Variants in BNC2 observed in about 807,000 individuals in gnomAD.
BNC2 encodes the protein basonuclin zinc finger protein 2.
In BNC2, 20 loss-of-function variants were observed where a neutral mutation model predicts 76.3. The ratio of observed to expected loss-of-function variants is 0.26; its 90% confidence interval spans 0.18 to 0.38. The LOEUF is 0.38. Among genes scored for constraint, BNC2 ranks in the 10% least tolerant of loss-of-function variants. BNC2 has a pLI of 1.00. For missense variants in BNC2, 1,382 were observed against 1,399.8 expected, an observed-to-expected ratio of 0.99 and a Z score of 0.20; for synonymous variants, 582 against 514.8, an observed-to-expected ratio of 1.13 and a Z score of -1.77.
intron 2 of BNC2, among the ~76,000 whole-genome samples, chr9:16,733,307 G>C (rs7040406): frequency 0.9 from 137,421 of 152,210 alleles, 62,086 homozygotes; most frequent in Non-Finnish European, 0.92. Context: ...TTGACAGCAA[G>C]CTTTTTCCCT....
At position 16,546,318 on chromosome 9, in the gene BNC2, G is replaced by A. The variant is rs566154618; in HGVS notation, c.669+6212C>T. On this transcript the variant is annotated intron_variant, in intron 5 of 6. Transcript: ENST00000380672. ...GATTAAGAAACTATGACTAAGAATGGCAAAGTCTTCCAGATTTAACCCAAT... is the reference window on the plus strand; with the variant it reads ...GATTAAGAAACTATGACTAAGAATGACAAAGTCTTCCAGATTTAACCCAAT... Among the ~76,000 whole-genome samples the A allele has an allele frequency of 5.3e-5, 8 of 152,254 alleles. No individual in the cohort carries two copies. In the South Asian group the frequency reaches 1.7e-3, roughly 32 times the overall value.
At chr9:16,503,703 A>C (rs1488627190) in intron 5 of BNC2, among the ~76,000 whole-genome samples, 1 of 152,208 alleles carries the variant, frequency 6.6e-6, no homozygotes, top group Non-Finnish European at 1.5e-5. Context: ...ACTGATATCC[A>C]CAGACATGAC....
intron 1 of BNC2, among the ~76,000 whole-genome samples, chr9:16,845,459 C>T (rs1344222381): frequency 3.3e-5 from 5 of 152,178 alleles, no homozygotes; most frequent in East Asian, 1.9e-4. Flanking sequence ...CGGTGGCTCA[C>T]ACCTGTAATC....
chr9:16,766,103 T>C (rs1002129964), intron 1 of BNC2, among the ~76,000 whole-genome samples: 11 of 152,212 alleles, frequency 7.2e-5, no homozygotes, highest in African/African-American at 2.7e-4. Flanking sequence ...ATTTCTTAAG[T>C]GTACCCTGTT....
chr9:16,867,149 C>T (rs1210258930), intron 1 of BNC2, among the ~76,000 whole-genome samples: 1 of 152,112 alleles, frequency 6.6e-6, no homozygotes, highest in African/African-American at 2.4e-5. Context: ...GTATGAACAT[C>T]CACAGAAATT....
At chr9:16,796,882 G>A (rs953352535) in intron 1 of BNC2, among the ~76,000 whole-genome samples, 1 of 152,084 alleles carries the variant, frequency 6.6e-6, no homozygotes, top group African/African-American at 2.4e-5. Flanking sequence ...TCTGTACAAG[G>A]TCAAATACTG....
chr9:16,691,602 TG>T (rs1222418063), intron 3 of BNC2, among the ~76,000 whole-genome samples: 1 of 146,594 alleles, frequency 6.8e-6, no homozygotes, highest in Non-Finnish European at 1.5e-5. Flanking sequence ...CTGTGCCTCC[TG>T]GGTTCAAGCG....
intron 6 of BNC2, among the ~76,000 whole-genome samples, chr9:16,431,712 C>A (rs1354339845): frequency 1.3e-5 from 2 of 152,174 alleles, no homozygotes; most frequent in African/African-American, 4.8e-5. Flanking sequence ...CCAGGGACCA[C>A]TTTCATGGAA....
chr9:16,429,019 A>C (rs1737083220), intron 6 of BNC2, among the ~76,000 whole-genome samples: 1 of 152,222 alleles, frequency 6.6e-6, no homozygotes, highest in South Asian at 2.1e-4. Flanking sequence ...CTCAAGAATC[A>C]AAGTTACCAA....
chr9:16,696,931 T>C (rs1823355584), intron 3 of BNC2, among the ~76,000 whole-genome samples: 1 of 152,228 alleles, frequency 6.6e-6, no homozygotes, highest in South Asian at 2.1e-4. Flanking sequence ...TGTTGATCTG[T>C]GGTATATTTC....
At chr9:16,673,830 C>A (rs1210971210) in intron 3 of BNC2, among the ~76,000 whole-genome samples, 1 of 151,984 alleles carries the variant, frequency 6.6e-6, no homozygotes, top group African/African-American at 2.4e-5. Context: ...AACTCTGAGA[C>A]GGGTTCATGT....
chr9:16,809,149 T>C (rs1817983910), intron 1 of BNC2, among the ~76,000 whole-genome samples: 2 of 152,162 alleles, frequency 1.3e-5, no homozygotes, highest in Non-Finnish European at 1.5e-5. Context: ...TGGGTCTAAG[T>C]GCCCTTTGTC....
intron 1 of BNC2, among the ~76,000 whole-genome samples, chr9:16,823,440 A>AT (rs1430749633): frequency 1.3e-5 from 2 of 150,702 alleles, no homozygotes; most frequent in Non-Finnish European, 3.0e-5. Flanking sequence ...AAAAAAAAAA[A>AT]AAAAATTAAA....
At chr9:16,815,784 AAAT>A (rs1418525438) in intron 1 of BNC2, among the ~76,000 whole-genome samples, 1 of 152,210 alleles carries the variant, frequency 6.6e-6, no homozygotes, top group African/African-American at 2.4e-5. Flanking sequence ...CCTACCAAGT[AAAT>A]AGTTAGTGGT....
intron 3 of BNC2, among the ~76,000 whole-genome samples, chr9:16,643,509 A>T (rs1272645916): frequency 1.3e-5 from 2 of 152,092 alleles, no homozygotes; most frequent in African/African-American, 4.8e-5. Flanking sequence ...AGTGAAAAAA[A>T]TATCCACGCA....
intron 3 of BNC2, among the ~76,000 whole-genome samples, chr9:16,635,361 T>G (rs1821292229): frequency 1.3e-5 from 2 of 152,236 alleles, no homozygotes; most frequent in Admixed American, 1.3e-4. Context: ...GTTTATTTAC[T>G]TTATAATTTT....
At position 16,688,229 on chromosome 9, in the gene BNC2, C is replaced by A. The variant is rs148322232; in HGVS notation, c.330+39568G>T. ...TTCAACACGGAAAGGCAAACCATAT[C>A]TCTTTCTGAATTCATCAAAATGTAC... On this transcript the variant is annotated intron_variant, in intron 3 of 6. Transcript: ENST00000380672. 5.3e-5 allele frequency among the ~76,000 whole-genome samples: 8 copies of A among 152,296 alleles called. No individual in the cohort carries two copies. The East Asian group carries it at 1.5e-3, about 29-fold the overall frequency.
chr9:16,612,993 G>T (rs945654607), intron 3 of BNC2, among the ~76,000 whole-genome samples: 18 of 152,158 alleles, frequency 1.2e-4, no homozygotes, highest in African/African-American at 4.1e-4. Context: ...CATCCAAGAA[G>T]ATGGACAAGT....
At chr9:16,769,505 C>T (rs1825778965) in intron 1 of BNC2, among the ~76,000 whole-genome samples, 1 of 152,080 alleles carries the variant, frequency 6.6e-6, no homozygotes, top group African/African-American at 2.4e-5. Flanking sequence ...AAATCAGGGA[C>T]GGAATCATTG....
Sources: gnomAD v4.1 joint callset for allele counts (sites outside exome capture counted in the v4.1 genomes callset) on GRCh38, gnomAD v4.1.1 for gene constraint, MANE v1.5 for transcripts, NCBI Gene and HGNC (gene_info 2026-07-23, HGNC 2026-07-21) for gene names.